DPP10: variants seen among roughly 807,000 people sequenced by gnomAD.
DPP10 encodes inactive dipeptidyl peptidase 10.
A neutral mutation model predicts 120.9 loss-of-function variants in DPP10; 33 were observed. The observed-to-expected ratio is 0.27, with a 90% CI of 0.21 to 0.37. The LOEUF is 0.37. DPP10 is among the 10% of genes least tolerant of loss of function. The probability of loss-of-function intolerance (pLI) is 1.00; values close to 1 mark genes in which losing one functional copy is unlikely to be tolerated. For missense variants in DPP10, 816 were observed against 942.8 expected (o/e 0.87, Z 1.76); for synonymous variants, 337 against 326.1 (o/e 1.03, Z -0.36).
chr2:115,831,046 C>A (rs147760126), intron 21 of DPP10, among the ~76,000 whole-genome samples: 417 of 152,034 alleles, frequency 2.7e-3, no homozygotes, highest in Non-Finnish European at 3.9e-3. Context: ...TGCTTCAAGG[C>A]AGGATTATAG....
intron 3 of DPP10, among the ~76,000 whole-genome samples, chr2:115,384,214 A>C (rs911750599): frequency 1.3e-5 from 2 of 152,124 alleles, no homozygotes; most frequent in African/African-American, 4.8e-5. Flanking sequence ...TGAGGCATAA[A>C]AACTAGAACC....
intron 1 of DPP10, among the ~76,000 whole-genome samples, chr2:115,120,117 T>C (rs2104731083): frequency 6.6e-6 from 1 of 152,352 alleles, no homozygotes. Flanking sequence ...AGAGTCAATT[T>C]GTTGTTGCAT....
chr2:114,620,644 T>C (rs1694023321), intron 1 of DPP10, among the ~76,000 whole-genome samples: 1 of 152,088 alleles, frequency 6.6e-6, no homozygotes, highest in Non-Finnish European at 1.5e-5. Context: ...TATTTGGTTT[T>C]ACGTATTTGT....
intron 1 of DPP10, among the ~76,000 whole-genome samples, chr2:114,873,877 C>T (rs531728874): frequency 4.3e-4 from 66 of 152,176 alleles, no homozygotes; most frequent in Middle Eastern, 3.4e-3. Flanking sequence ...TTATGAGAGC[C>T]ACTTCAGAAA....
At chr2:115,699,353 C>T (rs2091780135) in intron 7 of DPP10, among the ~76,000 whole-genome samples, 1 of 152,060 alleles carries the variant, frequency 6.6e-6, no homozygotes, top group Non-Finnish European at 1.5e-5. Context: ...TTTAAGAAAA[C>T]CTAACACCAA....
intron 3 of DPP10, among the ~76,000 whole-genome samples, chr2:115,403,153 G>GA (rs1026378871): frequency 6.7e-6 from 1 of 150,222 alleles, no homozygotes; most frequent in African/African-American, 2.4e-5. Flanking sequence ...TTAACAAAAT[G>GA]AAAAAAAATG....
At chr2:115,007,983 G>A (rs1383487706) in intron 1 of DPP10, among the ~76,000 whole-genome samples, 13 of 152,070 alleles carry the variant, frequency 8.5e-5, no homozygotes, top group South Asian at 4.2e-4. Flanking sequence ...AATCAATATC[G>A]TGAAAATGGC....
intron 3 of DPP10, among the ~76,000 whole-genome samples, chr2:115,482,938 A>C (rs527535003): frequency 6.6e-6 from 1 of 152,196 alleles, no homozygotes; most frequent in East Asian, 1.9e-4. Context: ...AAAATGCTCA[A>C]AATGGGAATA....
chr2:115,271,461 A>AT (rs929085238), intron 1 of DPP10, among the ~76,000 whole-genome samples: 11 of 151,812 alleles, frequency 7.2e-5, no homozygotes, highest in African/African-American at 2.4e-4. Flanking sequence ...AGGTTGTTGC[A>AT]TTTTTTTTCT....
intron 1 of DPP10, among the ~76,000 whole-genome samples, chr2:115,190,726 T>A (rs1247650610): frequency 6.6e-6 from 1 of 152,128 alleles, no homozygotes; most frequent in Non-Finnish European, 1.5e-5. Context: ...AGAGCTACCA[T>A]ACAGCTCATG....
At chr2:115,554,787 A>G (rs1256593521) in intron 5 of DPP10, among the ~76,000 whole-genome samples, 2 of 152,102 alleles carry the variant, frequency 1.3e-5, no homozygotes, top group Admixed American at 6.6e-5. Flanking sequence ...GACAAAACAC[A>G]AGTACAGGGC....
intron 1 of DPP10, among the ~76,000 whole-genome samples, chr2:115,275,981 G>A (rs578085057): frequency 2.6e-5 from 4 of 151,900 alleles, no homozygotes; most frequent in Admixed American, 2.6e-4. Flanking sequence ...GATTACGGGC[G>A]TGAGCCACCG....
intron 1 of DPP10, among the ~76,000 whole-genome samples, chr2:114,941,588 A>C (rs989752634): frequency 6.6e-6 from 1 of 152,234 alleles, no homozygotes; most frequent in African/African-American, 2.4e-5. Flanking sequence ...AGTTCATTTT[A>C]AATTTTTATA....
intron 1 of DPP10, among the ~76,000 whole-genome samples, chr2:115,125,624 T>G (rs962861462): frequency 7.0e-6 from 1 of 143,120 alleles, no homozygotes; most frequent in African/African-American, 2.7e-5. Flanking sequence ...CAGGCTGGAG[T>G]GCAGTGGCAT....
intron 1 of DPP10, among the ~76,000 whole-genome samples, chr2:115,210,423 T>G (rs1367109505): frequency 1.3e-5 from 2 of 152,160 alleles, no homozygotes; most frequent in Non-Finnish European, 2.9e-5. Flanking sequence ...TCTATCATTG[T>G]TGGACATTTG....
intron 1 of DPP10, among the ~76,000 whole-genome samples, chr2:115,055,466 A>C (rs1705826400): frequency 6.6e-6 from 1 of 152,220 alleles, no homozygotes; most frequent in Non-Finnish European, 1.5e-5. Context: ...AAGTGGTAGA[A>C]GAAAACGACA....
chr2:115,517,115 A>G (rs1373826728), intron 4 of DPP10, among the ~76,000 whole-genome samples: 3 of 152,120 alleles, frequency 2.0e-5, no homozygotes, highest in Non-Finnish European at 1.5e-5. Flanking sequence ...CTTCCTAGGT[A>G]TATACCATAA....
At chr2:114,712,875 TA>T (rs1701114402) in intron 1 of DPP10, among the ~76,000 whole-genome samples, 1 of 152,140 alleles carries the variant, frequency 6.6e-6, no homozygotes, top group South Asian at 2.1e-4. Flanking sequence ...TAGAGTTGTA[TA>T]ATATTATTTC....
chr2:115,390,903 C>T (rs1259987899), intron 3 of DPP10, among the ~76,000 whole-genome samples: 3 of 152,116 alleles, frequency 2.0e-5, no homozygotes, highest in Non-Finnish European at 2.9e-5. Context: ...CCATCCTCAC[C>T]GTCATCTTGT....
Sources: allele counts gnomAD v4.1 joint callset (sites outside exome capture counted in the v4.1 genomes callset), GRCh38; gene constraint gnomAD v4.1.1; transcripts MANE v1.5; gene names NCBI Gene and HGNC (gene_info 2026-07-23, HGNC 2026-07-21).